Variants in ATP8A2 observed in about 807,000 individuals in gnomAD.
ATP8A2 encodes the protein ATPase phospholipid transporting 8A2, also known as phospholipid-transporting ATPase IB.
A neutral mutation model predicts 165.6 loss-of-function variants in ATP8A2; 100 were observed. That is an observed-to-expected ratio of 0.60 (90% CI 0.51 to 0.71). The LOEUF is 0.71. Ranked by LOEUF, ATP8A2 falls within the 30% of genes least tolerant of loss-of-function variation. The pLI is 0.00. For synonymous variants in ATP8A2, 543 were observed against 548.8 expected (o/e 0.99, Z 0.15); for missense variants, 1,227 against 1,479.5 (o/e 0.83, Z 2.80).
chr13:25,568,675 A>G lies in ATP8A2; in HGVS notation c.1474-2092A>G, dbSNP rs541852864. On this transcript the variant is annotated intron_variant, in intron 16 of 36. Transcript: ENST00000381655. ...TGCTGGGGAAGATGAAGTTTTGTGTATAGATAGTGGTGATGGCTGTGTAGC... is the reference window on the plus strand; with the variant it reads ...TGCTGGGGAAGATGAAGTTTTGTGTGTAGATAGTGGTGATGGCTGTGTAGC... 1.5e-3 allele frequency among the ~76,000 whole-genome samples: 222 copies of G among 152,298 alleles called. 5 individuals carry two copies. The Middle Eastern group carries it at 0.024, about 16-fold the overall frequency.
At chr13:25,871,174 T>G (rs922176596) in intron 33 of ATP8A2, 14 of 409,710 alleles carry the variant, frequency 3.4e-5, no homozygotes, top group Non-Finnish European at 4.8e-5. Flanking sequence ...TGATGTTAAT[T>G]TTTAAAATAT....
At chr13:25,565,833 G>A (rs894626462) in intron 16 of ATP8A2, among the ~76,000 whole-genome samples, 2 of 151,848 alleles carry the variant, frequency 1.3e-5, no homozygotes, top group African/African-American at 4.9e-5. Context: ...CCAATGTCTA[G>A]AAGGGTAATT....
chr13:25,643,990 C>CTGTTT (rs1555237068), intron 24 of ATP8A2, among the ~76,000 whole-genome samples: 1 of 151,560 alleles, frequency 6.6e-6, no homozygotes, highest in Non-Finnish European at 1.5e-5. Context: ...CAATTTATTC[C>CTGTTT]TATTTTATTT....
intron 24 of ATP8A2, among the ~76,000 whole-genome samples, chr13:25,683,806 C>T (rs981586671): frequency 5.3e-5 from 8 of 151,744 alleles, no homozygotes; most frequent in Non-Finnish European, 7.4e-5. Context: ...CTGTGAATAT[C>T]GTTAGGTGGG....
At chr13:25,672,394 A>C (rs2042285121) in intron 24 of ATP8A2, among the ~76,000 whole-genome samples, 1 of 152,132 alleles carries the variant, frequency 6.6e-6, no homozygotes, top group Non-Finnish European at 1.5e-5. Context: ...TGCCTCTCAC[A>C]ACATCACTGC....
At chr13:25,418,709 T>A (rs1050304597) in intron 1 of ATP8A2, among the ~76,000 whole-genome samples, 1 of 152,200 alleles carries the variant, frequency 6.6e-6, no homozygotes, top group African/African-American at 2.4e-5. Flanking sequence ...AGGATGATTT[T>A]GTATCGCCTT....
intron 35 of ATP8A2, among the ~76,000 whole-genome samples, chr13:25,992,252 G>A (rs1166891706): frequency 6.7e-6 from 1 of 148,660 alleles, no homozygotes; most frequent in Non-Finnish European, 1.5e-5. Context: ...TTAGCCATAG[G>A]GATTGCTGCT....
At chr13:25,859,349 C>A (rs1252303269) in intron 30 of ATP8A2, among the ~76,000 whole-genome samples, 2 of 152,080 alleles carry the variant, frequency 1.3e-5, no homozygotes, top group Admixed American at 1.3e-4. Context: ...GCATGTACCC[C>A]AAAATCTAAA....
At chr13:25,373,203 A>G (rs1234035094) in intron 1 of ATP8A2, among the ~76,000 whole-genome samples, 1 of 152,138 alleles carries the variant, frequency 6.6e-6, no homozygotes, top group Non-Finnish European at 1.5e-5. Context: ...CTTTGACATG[A>G]GGAAGGTAGA....
intron 21 of ATP8A2, 101 bp from the exon 22 acceptor site, chr13:25,579,707 C>G: frequency 1.5e-6 from 2 of 1,378,176 alleles, no homozygotes; most frequent in Non-Finnish European, 2.0e-6. Flanking sequence ...CACAGAGTCT[C>G]TTCAATTTTT....
At chr13:25,929,895 A>T (rs751031977) in intron 33 of ATP8A2, among the ~76,000 whole-genome samples, 3 of 152,026 alleles carry the variant, frequency 2.0e-5, no homozygotes, top group Non-Finnish European at 4.4e-5. Flanking sequence ...CCCTATCCCC[A>T]TGGGCTTTTC....
chr13:26,008,524 C>T (rs546829241), intron 35 of ATP8A2, among the ~76,000 whole-genome samples: 4 of 152,064 alleles, frequency 2.6e-5, no homozygotes, highest in Admixed American at 6.5e-5. Flanking sequence ...AAATAGAGAA[C>T]GGAGGGGAGG....
intron 33 of ATP8A2, among the ~76,000 whole-genome samples, chr13:25,935,546 C>T (rs1954861222): frequency 6.6e-6 from 1 of 152,180 alleles, no homozygotes; most frequent in South Asian, 2.1e-4. Flanking sequence ...AAGCATGGTA[C>T]CAGCATCTGC....
At chr13:26,010,365 C>G (rs556451320) in intron 35 of ATP8A2, among the ~76,000 whole-genome samples, 1 of 152,292 alleles carries the variant, frequency 6.6e-6, no homozygotes, top group African/African-American at 2.4e-5. Context: ...TCCCTGTGGT[C>G]CAGGGGCATG....
At chr13:25,386,136 G>A (rs1924780) in intron 1 of ATP8A2, among the ~76,000 whole-genome samples, 91,932 of 151,144 alleles carry the variant, frequency 0.61, 30,045 homozygotes, top group East Asian at 0.79. Context: ...GGCTGGTCTC[G>A]AACTCCTGGC....
chr13:25,821,102 G>A (rs1287244809), intron 27 of ATP8A2, among the ~76,000 whole-genome samples: 1 of 152,208 alleles, frequency 6.6e-6, no homozygotes, highest in Admixed American at 6.5e-5. Context: ...ACCTGCAACT[G>A]ATAAAAATTA....
chr13:25,891,659 TTAACTGATAA>T (rs1953365834), intron 33 of ATP8A2, among the ~76,000 whole-genome samples: 1 of 152,130 alleles, frequency 6.6e-6, no homozygotes, highest in South Asian at 2.1e-4. Flanking sequence ...TTCATCCCTA[TTAACTGATAA>T]TTTATCTATT....
intron 2 of ATP8A2, among the ~76,000 whole-genome samples, chr13:25,523,685 T>G (rs911028720): frequency 2.2e-4 from 34 of 152,256 alleles, no homozygotes; most frequent in East Asian, 7.7e-4. Context: ...ATGATTTTTT[T>G]TGTGTGTGTA....
intron 9 of ATP8A2, among the ~76,000 whole-genome samples, chr13:25,542,667 G>A (rs967392044): frequency 2.6e-5 from 4 of 151,922 alleles, no homozygotes; most frequent in Admixed American, 1.3e-4. Flanking sequence ...ATATTTTGAC[G>A]ACCCAAGGCT....
Sources: allele counts gnomAD v4.1 joint callset (sites outside exome capture counted in the v4.1 genomes callset), GRCh38; gene constraint gnomAD v4.1.1; transcripts MANE v1.5; gene names NCBI Gene and HGNC (gene_info 2026-07-23, HGNC 2026-07-21).